The following PRKCQ variants were observed in gnomAD, a reference collection of about 807,000 sequenced individuals.
PRKCQ encodes protein kinase C theta type.
PRKCQ carries 41 observed loss-of-function variants against 91.2 expected under a neutral mutation model. The observed-to-expected ratio is 0.45, with a 90% CI of 0.35 to 0.58. PRKCQ has a LOEUF of 0.58. PRKCQ is among the 20% of genes least tolerant of loss of function. PRKCQ has a pLI of 0.00. For synonymous variants in PRKCQ, 307 were observed against 316.9 expected (o/e 0.97, Z 0.33); for missense variants, 673 against 896.5 (o/e 0.75, Z 3.18).
chr10:6,571,592 G>T (rs895744661), intron 1 of PRKCQ, among the ~76,000 whole-genome samples: 1 of 152,156 alleles, frequency 6.6e-6, no homozygotes, highest in African/African-American at 2.4e-5. Flanking sequence ...GATCACTTGA[G>T]GCCAGGATTT....
chr10:6,509,798 C>T (rs531117060), intron 3 of PRKCQ, among the ~76,000 whole-genome samples: 1 of 152,246 alleles, frequency 6.6e-6, no homozygotes, highest in African/African-American at 2.4e-5. Context: ...TGGGCCTGAG[C>T]ACCTTTTAAA....
rs956033110 is a variant in PRKCQ, at chr10:6,465,200, G to A, written c.1354-796C>T. On this transcript the variant is annotated intron_variant, in intron 12 of 17. Transcript: ENST00000263125. This position sits in a 1 kb window ranked among gnomAD's most constrained non-coding sequence, Gnocchi z 4.4. ...GAGCATATTCTGTGGGCGTGGCGTGGGGGGAGTGGGCGGGTCATGTCAGTC... is the reference window on the plus strand; with the variant it reads ...GAGCATATTCTGTGGGCGTGGCGTGAGGGGAGTGGGCGGGTCATGTCAGTC... Among the ~76,000 whole-genome samples, 2 of 152,184 alleles carry A rather than the reference G, an allele frequency of 1.3e-5. No individual in the cohort carries two copies. Among genetic ancestry groups the A allele is most frequent in the Admixed American group, 1.3e-4 (2 of 15,288 alleles).
intron 13 of PRKCQ, 77 bp from the exon 14 acceptor site, chr10:6,462,442 T>C (rs1564319004): frequency 1.5e-6 from 2 of 1,326,972 alleles, no homozygotes; most frequent in Non-Finnish European, 1.1e-6. Flanking sequence ...GACTGACCTT[T>C]TTCTGACATG....
rs1250207525 is a variant in PRKCQ, at chr10:6,470,629, G to A, written c.1354-6225C>T. On this transcript the variant is annotated intron_variant, in intron 12 of 17. Transcript: ENST00000263125. Reference sequence around the variant, plus strand: ...AAGTTTTAAGGGGGAGAGACAAGGAGATGGAGAAGAACGATTTTGCCATCA... The same window carrying A: ...AAGTTTTAAGGGGGAGAGACAAGGAAATGGAGAAGAACGATTTTGCCATCA... Among the ~76,000 whole-genome samples the A allele has an allele frequency of 2.0e-5, 3 of 152,204 alleles. No homozygotes were observed. In the East Asian group the frequency reaches 5.8e-4, roughly 29 times the overall value.
chr10:6,438,594 A>C (rs763818824), intron 16 of PRKCQ, among the ~76,000 whole-genome samples: 29 of 150,852 alleles, frequency 1.9e-4, no homozygotes, highest in Non-Finnish European at 4.0e-4. Context: ...GATGTGCTAG[A>C]CTCTTTTTTT....
chr10:6,498,199 G>T (rs1484787267), intron 5 of PRKCQ, among the ~76,000 whole-genome samples, 197 bp downstream of exon 5: 1 of 151,512 alleles, frequency 6.6e-6, no homozygotes, highest in Non-Finnish European at 1.5e-5. Context: ...TTCCTGACTA[G>T]ACCTGGCTTC....
At chr10:6,441,429 A>G (rs1588659880) in intron 16 of PRKCQ, among the ~76,000 whole-genome samples, 2 of 150,286 alleles carry the variant, frequency 1.3e-5, no homozygotes, top group Admixed American at 1.3e-4. Context: ...GGTGTGAGCT[A>G]CTGCACCCAG....
chr10:6,580,328 G>T (rs1307232811), upstream of PRKCQ: 1 of 148,794 alleles, frequency 6.7e-6, no homozygotes, highest in Non-Finnish European at 1.5e-5. Flanking sequence ...GGGGCTGGCG[G>T]GCCCGGCGCA....
At chr10:6,511,313 A>G in intron 2 of PRKCQ, 119 bp from the exon 3 acceptor site, 1 of 904,648 alleles carries the variant, frequency 1.1e-6, no homozygotes, top group South Asian at 1.6e-5. Flanking sequence ...TCTGTTGGGA[A>G]GACAAAAGTA....
chr10:6,505,604 C>T (rs909014054), intron 4 of PRKCQ, among the ~76,000 whole-genome samples: 1 of 127,810 alleles, frequency 7.8e-6, no homozygotes, highest in African/African-American at 2.5e-5. Flanking sequence ...CTCTCACCCT[C>T]TCTCTCTCTC....
intron 1 of PRKCQ, among the ~76,000 whole-genome samples, chr10:6,566,639 G>T (rs1056604951): frequency 3.9e-5 from 6 of 152,194 alleles, no homozygotes; most frequent in Middle Eastern, 3.4e-3. Flanking sequence ...TCTCCTACAA[G>T]GGACAACCTC....
chr10:6,455,250 T>C (rs1486160576), intron 15 of PRKCQ, among the ~76,000 whole-genome samples: 1 of 152,230 alleles, frequency 6.6e-6, no homozygotes, highest in Non-Finnish European at 1.5e-5. Context: ...TCACTTCAAA[T>C]GAAAATGGTT....
intron 3 of PRKCQ, 125 bp from the exon 4 acceptor site, chr10:6,507,621 C>T: frequency 1.2e-6 from 1 of 845,362 alleles, no homozygotes; most frequent in East Asian, 2.5e-5. Flanking sequence ...TTACTCTCCA[C>T]TGTACTCAAA....
chr10:6,523,769 G>T (rs971484683), intron 1 of PRKCQ, among the ~76,000 whole-genome samples: 2 of 152,178 alleles, frequency 1.3e-5, no homozygotes, highest in Admixed American at 1.3e-4. Context: ...CTAAGGCATA[G>T]CCCTGGTCAA....
chr10:6,486,490 A>C (rs1003277730), intron 8 of PRKCQ, among the ~76,000 whole-genome samples: 2 of 152,210 alleles, frequency 1.3e-5, no homozygotes, highest in African/African-American at 2.4e-5. Flanking sequence ...CCCTTTTTCC[A>C]GGAACTTAAT....
At chr10:6,446,104 G>A (rs1046578153) in intron 15 of PRKCQ, among the ~76,000 whole-genome samples, 30 of 152,162 alleles carry the variant, frequency 2.0e-4, no homozygotes, top group African/African-American at 7.0e-4. Context: ...ACTGATATGT[G>A]TTAGGAGTTT....
chr10:6,474,684 G>T (rs1227579504), intron 12 of PRKCQ, among the ~76,000 whole-genome samples: 2 of 152,088 alleles, frequency 1.3e-5, no homozygotes, highest in African/African-American at 4.8e-5. Flanking sequence ...ATTTTTCCCT[G>T]TGTTTCAAAG....
chr10:6,571,533 G>C (rs902883693), intron 1 of PRKCQ, among the ~76,000 whole-genome samples: 1 of 151,926 alleles, frequency 6.6e-6, no homozygotes, highest in African/African-American at 2.4e-5. Flanking sequence ...TTGATAGGTG[G>C]GGTGGCTCAC....
At chr10:6,517,055 T>C (rs1838792537) in intron 1 of PRKCQ, among the ~76,000 whole-genome samples, 1 of 152,208 alleles carries the variant, frequency 6.6e-6, no homozygotes, top group Non-Finnish European at 1.5e-5. Flanking sequence ...GACATACACC[T>C]GACATCTAGA....
Sources: gnomAD v4.1 joint callset for allele counts (sites outside exome capture counted in the v4.1 genomes callset) on GRCh38, gnomAD v4.1.1 for gene constraint, Gnocchi (gnomAD v3.1) non-coding constraint, MANE v1.5 for transcripts, NCBI Gene and HGNC (gene_info 2026-07-23, HGNC 2026-07-21) for gene names.